The following CHCHD6 variants were observed in gnomAD, a reference collection of about 807,000 sequenced individuals.
CHCHD6 encodes MICOS complex subunit MIC25.
CHCHD6 carries 28 observed loss-of-function variants against 32.3 expected under a neutral mutation model. The ratio of observed to expected loss-of-function variants is 0.87; its 90% CI spans 0.64 to 1.19. The LOEUF is 1.19. Ranked by LOEUF, CHCHD6 falls within the 50% of genes most tolerant of loss-of-function variation. CHCHD6 has a pLI of 0.00. For missense variants in CHCHD6, 333 were observed against 307.0 expected, an observed-to-expected ratio of 1.08 and a Z score of -0.63; for synonymous variants, 122 against 117.5, an observed-to-expected ratio of 1.04 and a Z score of -0.25.
At chr3:126,945,245 G>A (rs919705829) in intron 6 of CHCHD6, among the ~76,000 whole-genome samples, 1 of 151,904 alleles carries the variant, frequency 6.6e-6, no homozygotes, top group Non-Finnish European at 1.5e-5. Context: ...CTCGGGTTCT[G>A]GGAGCTCTGA....
At chr3:126,828,802 C>G (rs1034672809) in intron 4 of CHCHD6, among the ~76,000 whole-genome samples, 7 of 152,222 alleles carry the variant, frequency 4.6e-5, no homozygotes, top group Admixed American at 3.3e-4. Context: ...TCCCAGGAGG[C>G]TGCACTATTT....
At chr3:126,892,930 G>A (rs527767602) in intron 5 of CHCHD6, among the ~76,000 whole-genome samples, 2 of 151,876 alleles carry the variant, frequency 1.3e-5, no homozygotes, top group South Asian at 2.1e-4. Context: ...TTTTGTTTTT[G>A]TTTTTCTTTT....
intron 4 of CHCHD6, among the ~76,000 whole-genome samples, chr3:126,827,543 A>T (rs1279624138): frequency 6.6e-6 from 1 of 152,146 alleles, no homozygotes; most frequent in Non-Finnish European, 1.5e-5. Context: ...ACAGTTCCAG[A>T]AACAACCTGG....
intron 4 of CHCHD6, among the ~76,000 whole-genome samples, chr3:126,751,410 G>A (rs534687750): frequency 1.9e-4 from 29 of 149,666 alleles, no homozygotes; most frequent in African/African-American, 7.1e-4. Context: ...GCTGAGGCAC[G>A]AGAATTGCTT....
intron 7 of CHCHD6, among the ~76,000 whole-genome samples, chr3:126,958,530 G>A (rs1280906905): frequency 2.0e-5 from 3 of 152,138 alleles, no homozygotes; most frequent in African/African-American, 7.2e-5. Context: ...AACTGAGCGG[G>A]GTCCTGCAGC....
intron 1 of CHCHD6, among the ~76,000 whole-genome samples, chr3:126,719,299 A>C (rs1576333986): frequency 1.3e-5 from 2 of 152,156 alleles, no homozygotes; most frequent in African/African-American, 2.4e-5. Flanking sequence ...CAGGATGTAC[A>C]TGTGGTTGAG....
chr3:126,829,053 CTTA>C (rs1940525985), intron 4 of CHCHD6, among the ~76,000 whole-genome samples: 2 of 152,186 alleles, frequency 1.3e-5, no homozygotes, highest in African/African-American at 4.8e-5. Context: ...CCTAAACCTT[CTTA>C]AAGTGAAACT....
chr3:126,768,783 A>G (rs1937479820), intron 4 of CHCHD6, among the ~76,000 whole-genome samples: 1 of 151,980 alleles, frequency 6.6e-6, no homozygotes, highest in African/African-American at 2.4e-5. Context: ...ATGGTATCTC[A>G]TTTTGATTTT....
chr3:126,814,449 C>G (rs1199097563), intron 4 of CHCHD6, among the ~76,000 whole-genome samples: 1 of 152,164 alleles, frequency 6.6e-6, no homozygotes, highest in Non-Finnish European at 1.5e-5. Context: ...GACTGGTCAC[C>G]AGAAACACAA....
At chr3:126,959,558 A>G (rs190994452) in intron 7 of CHCHD6, among the ~76,000 whole-genome samples, 23 of 152,354 alleles carry the variant, frequency 1.5e-4, no homozygotes, top group East Asian at 1.2e-3. Context: ...GCCAAACAGC[A>G]GGGGACAGAG....
At chr3:126,940,291 AGTTT>A (rs1437429415) in intron 6 of CHCHD6, among the ~76,000 whole-genome samples, 2 of 152,224 alleles carry the variant, frequency 1.3e-5, no homozygotes, top group Non-Finnish European at 2.9e-5. Context: ...TGAGACCATG[AGTTT>A]GTGTTCAACA....
At chr3:126,785,264 A>G (rs1938140385) in intron 4 of CHCHD6, among the ~76,000 whole-genome samples, 1 of 152,200 alleles carries the variant, frequency 6.6e-6, no homozygotes, top group Non-Finnish European at 1.5e-5. Flanking sequence ...AGGTGTGCCA[A>G]CCAAAACAAT....
At chr3:126,877,316 G>C (rs1218673061) in intron 5 of CHCHD6, among the ~76,000 whole-genome samples, 1 of 152,180 alleles carries the variant, frequency 6.6e-6, no homozygotes, top group Non-Finnish European at 1.5e-5. Context: ...AGCACTTTGG[G>C]AGGCCGAGGT....
chr3:126,714,760 T>TAA (rs1934930154), intron 1 of CHCHD6, among the ~76,000 whole-genome samples: 1 of 152,142 alleles, frequency 6.6e-6, no homozygotes, highest in Non-Finnish European at 1.5e-5. Flanking sequence ...AACACTGCGT[T>TAA]GAGTGGATGG....
intron 2 of CHCHD6, 152 bp from the exon 3 acceptor site, chr3:126,730,409 C>T: frequency 1.6e-6 from 1 of 608,742 alleles, no homozygotes; most frequent in Non-Finnish European, 2.9e-6. Flanking sequence ...CCTTGTCTGC[C>T]CCTGTGGACG....
chr3:126,756,590 C>T (rs775520386), intron 4 of CHCHD6, among the ~76,000 whole-genome samples: 4 of 152,200 alleles, frequency 2.6e-5, no homozygotes, highest in Non-Finnish European at 5.9e-5. Context: ...GGCTGGTGGT[C>T]CTGGATAACC....
chr3:126,898,641 C>T (rs566991554), intron 5 of CHCHD6, among the ~76,000 whole-genome samples: 11 of 152,238 alleles, frequency 7.2e-5, no homozygotes, highest in South Asian at 4.1e-4. Flanking sequence ...CAGGTTCAAG[C>T]GATTCACCAG....
intron 5 of CHCHD6, among the ~76,000 whole-genome samples, chr3:126,868,077 GC>G (rs1048729246): frequency 7.9e-5 from 12 of 152,238 alleles, no homozygotes; most frequent in African/African-American, 2.9e-4. Context: ...CACCTGGCAA[GC>G]CCTGCCTACC....
chr3:126,892,953 GT>G, intron 5 of CHCHD6, among the ~76,000 whole-genome samples: 1 of 151,704 alleles, frequency 6.6e-6, no homozygotes, highest in Non-Finnish European at 1.5e-5. Context: ...TGTTGTTGTT[GT>G]TGTTTTGTTT....
Sources: allele counts gnomAD v4.1 joint callset (sites outside exome capture counted in the v4.1 genomes callset), GRCh38; gene constraint gnomAD v4.1.1; transcripts MANE v1.5; gene names NCBI Gene and HGNC (gene_info 2026-07-23, HGNC 2026-07-21).